BRWD1: variants seen among roughly 807,000 people sequenced by gnomAD.
The protein encoded by BRWD1 is bromodomain and WD repeat-containing protein 1.
A neutral mutation model predicts 251.2 loss-of-function variants in BRWD1; 82 were observed. The ratio of observed to expected loss-of-function variants is 0.33; its 90% confidence interval spans 0.27 to 0.39. The LOEUF (loss-of-function observed/expected upper bound fraction) is 0.39. Ranked by LOEUF, BRWD1 falls within the 10% of genes least tolerant of loss-of-function variation. The pLI is 1.00. For synonymous variants in BRWD1, 918 were observed against 902.8 expected (o/e 1.02, Z -0.30); for missense variants, 2,233 against 2,711.6 (o/e 0.82, Z 3.92).
At chr21:39,310,576 G>A (rs184521087) in intron 4 of BRWD1, among the ~76,000 whole-genome samples, 1 of 151,824 alleles carries the variant, frequency 6.6e-6, no homozygotes, top group East Asian at 1.9e-4. Context: ...GCAGTGAGCC[G>A]AGGCTGCTCC....
At chr21:39,184,579 G>A (rs187198264), downstream of BRWD1, 12 of 152,324 alleles carry the variant, frequency 7.9e-5, no homozygotes, top group Admixed American at 7.2e-4. Context: ...TGGGGTCAGA[G>A]AGAGCCTGTT....
At position 39,199,580 on chromosome 21, in the gene BRWD1, C is replaced by T. The variant is rs2032003709; in HGVS notation, c.4836G>A (p.Leu1612=). 13 of 1,614,116 alleles carry T rather than the reference C, an allele frequency of 8.1e-6. No homozygotes were observed. The highest frequency in any genetic ancestry group is 1.0e-5 in the Non-Finnish European group (12 of 1,180,014). The change falls in exon 40 of 41, where the codon TTG becomes TTA. Residue 1612 remains leucine, a synonymous_variant. Coordinates refer to ENST00000342449, the MANE Select transcript of BRWD1 (RefSeq NM_033656.4). The stretch of plus-strand genomic sequence containing the variant: ...TGGCTTTTAGAATTTCACCAGTCTC[C>T]AATGAATTGTTATCAGAATCACTTA... ...VYLSDSDNNS[L]ETGEILKARA...
chr21:39,205,953 G>A lies in BRWD1; in HGVS notation c.4364+155C>T, dbSNP rs187184579. On this transcript the variant is annotated intron_variant, in intron 37 of 40. Transcript: ENST00000342449. ...AAATTAGCCAGATGTGATGGTGTGC[G>A]CCTGTAGTCCCAGCTACTTGGGAGG... 2.6e-5 allele frequency among the ~76,000 whole-genome samples: 4 copies of A among 151,440 alleles called. No individual in the cohort carries two copies. In the South Asian group the frequency reaches 6.3e-4, roughly 24 times the overall value.
At chr21:39,255,003 T>G (rs1445962911) in intron 19 of BRWD1, among the ~76,000 whole-genome samples, 1 of 152,196 alleles carries the variant, frequency 6.6e-6, no homozygotes, top group Non-Finnish European at 1.5e-5. Flanking sequence ...ATTTTAAAAT[T>G]TCTTATCTTT....
At chr21:39,250,501 C>A (rs556162861) in intron 20 of BRWD1, among the ~76,000 whole-genome samples, 1 of 149,768 alleles carries the variant, frequency 6.7e-6, no homozygotes, top group South Asian at 2.1e-4. Context: ...AAACTGAGAG[C>A]CCTTAAAAAA....
intron 23 of BRWD1, among the ~76,000 whole-genome samples, chr21:39,233,358 A>G (rs142873867): frequency 2.0e-4 from 30 of 152,282 alleles, no homozygotes; most frequent in African/African-American, 6.3e-4. Flanking sequence ...GTAAACACCT[A>G]AATTTTAGGG....
At chr21:39,225,289 A>AAAG (rs34626669) in intron 27 of BRWD1, 92 bp from the exon 28 acceptor site, 790,585 of 867,846 alleles carry the variant, frequency 0.91, 363,767 homozygotes, top group African/African-American at 0.97. Context: ...TACAGATAAA[A>AAAG]AAGCCAAAAG....
rs766535171 is a variant in BRWD1 at position 39,197,044 on chromosome 21, CTTT to C, written c.6022_6024del (p.Lys2008del). 3.7e-6 allele frequency: 6 copies of C among 1,614,152 alleles called. No individual in the cohort carries two copies. Among genetic ancestry groups the C allele is most frequent in the Non-Finnish European group, 4.2e-6 (5 of 1,179,972 alleles). On this transcript the variant is annotated inframe_deletion, in exon 41 of 41. Transcript: ENST00000342449. ...TCTCCATTTAGAGCCTGACTAAGCA[CTTT>C]TGTACTACCTTCGGAGTCAGGATCA...
chr21:39,300,734 CAAGAGGGGAAA>C, intron 4 of BRWD1, among the ~76,000 whole-genome samples: 1 of 152,282 alleles, frequency 6.6e-6, no homozygotes, highest in South Asian at 2.1e-4. Flanking sequence ...GACCCATGGT[CAAGAGGGGAAA>C]TGGTCAATAG....
chr21:39,261,497 T>C (rs577086400), intron 17 of BRWD1, among the ~76,000 whole-genome samples: 59 of 152,260 alleles, frequency 3.9e-4, no homozygotes, highest in African/African-American at 1.4e-3. Flanking sequence ...CAACCAAGAT[T>C]TGTGCTACAG....
intron 37 of BRWD1, 100 bp from the exon 38 acceptor site, chr21:39,202,645 C>T: frequency 1.3e-6 from 1 of 757,246 alleles, no homozygotes; most frequent in Non-Finnish European, 2.1e-6. Flanking sequence ...ATTTCTTAAA[C>T]TGAGAGTAAT....
chr21:39,314,637 G>A (rs939778029), upstream of BRWD1: 5 of 333,362 alleles, frequency 1.5e-5, no homozygotes, highest in Non-Finnish European at 2.4e-5. Flanking sequence ...AGCCTGCCCT[G>A]CTCTGGCCCC....
In BRWD1 at chr21:39,190,723, G is replaced by C. The variant is rs2031507875; in HGVS notation, c.*5536C>G. On this transcript the variant is annotated 3_prime_UTR_variant, in exon 41 of 41. Transcript: ENST00000342449. ...AAACTGAAGTACCCCAATGGCTGTA[G>C]AATAAAATGGTTTCTGTAACTTGCT... is the stretch of plus-strand genomic sequence containing the variant. 1.0e-6 allele frequency: 1 copy of C among 985,250 alleles called. No homozygotes were observed. Among genetic ancestry groups the C allele is most frequent in the South Asian group, 4.7e-5 (1 of 21,284 alleles). The allele number at this position is 985,250 out of a possible 1,614,324, so 61.0% of individuals were successfully genotyped here. A position where few individuals can be genotyped will look rare whatever the true frequency, so the allele number is the denominator to read the frequency against.
chr21:39,269,747 T>C (rs887601872), intron 15 of BRWD1, 152 bp downstream of exon 15: 13 of 507,890 alleles, frequency 2.6e-5, no homozygotes, highest in Non-Finnish European at 4.1e-5. Flanking sequence ...CGTATATACA[T>C]GTAGCTGTCT....
At chr21:39,308,814 ATGATT>A (rs1190470199) in intron 4 of BRWD1, among the ~76,000 whole-genome samples, 1 of 152,310 alleles carries the variant, frequency 6.6e-6, no homozygotes, top group East Asian at 1.9e-4. Flanking sequence ...TACAGGATAA[ATGATT>A]TGGTCTCCAG....
At chr21:39,265,090 T>C (rs1192994643) in intron 15 of BRWD1, 71 bp from the exon 16 acceptor site, 3 of 1,512,176 alleles carry the variant, frequency 2.0e-6, no homozygotes, top group African/African-American at 2.8e-5. Flanking sequence ...ACTTTTTTAA[T>C]GTGGATAACC....
intron 17 of BRWD1, among the ~76,000 whole-genome samples, chr21:39,262,277 A>G (rs2034776532): frequency 6.6e-6 from 1 of 152,206 alleles, no homozygotes; most frequent in South Asian, 2.1e-4. Context: ...CCATTAGTGA[A>G]TGCAAAAACA....
intron 4 of BRWD1, chr21:39,312,543 C>A: frequency 3.5e-6 from 1 of 283,300 alleles, no homozygotes; most frequent in Non-Finnish European, 6.8e-6. Context: ...GCTGGCTGCG[C>A]ACGCCACACC....
At chr21:39,212,945 A>G (rs1190174666) in intron 33 of BRWD1, among the ~76,000 whole-genome samples, 3 of 152,166 alleles carry the variant, frequency 2.0e-5, no homozygotes, top group Non-Finnish European at 4.4e-5. Flanking sequence ...CTAAAATTTG[A>G]AATTACAGCT....
Sources: gnomAD v4.1 joint callset for allele counts (sites outside exome capture counted in the v4.1 genomes callset) on GRCh38, gnomAD v4.1.1 for gene constraint, MANE v1.5 for transcripts, NCBI Gene and HGNC (gene_info 2026-07-23, HGNC 2026-07-21) for gene names.